TLK2: variants seen among roughly 807,000 people sequenced by gnomAD.
The protein encoded by TLK2 is serine/threonine-protein kinase tousled-like 2.
TLK2 carries 6 observed loss-of-function variants against 117.3 expected under a neutral mutation model. The ratio of observed to expected loss-of-function variants is 0.05; its 90% CI spans 0.03 to 0.10. The LOEUF is 0.10. Ranked by LOEUF, TLK2 falls within the 10% of genes least tolerant of loss-of-function variation. The pLI, the probability that TLK2 is intolerant of heterozygous loss-of-function variation, is 1.00. For missense variants in TLK2, 299 were observed against 901.2 expected, an observed-to-expected ratio of 0.33 and a Z score of 8.56; for synonymous variants, 257 against 316.7, an observed-to-expected ratio of 0.81 and a Z score of 2.00.
intron 15 of TLK2, among the ~76,000 whole-genome samples, chr17:62,584,107 GTTTTT>G (rs572000997): frequency 3.8e-5 from 3 of 78,526 alleles, no homozygotes; most frequent in African/African-American, 5.1e-5. Context: ...TTCTTTTGTG[GTTTTT>G]TTTTTTTTTT....
intron 15 of TLK2, among the ~76,000 whole-genome samples, chr17:62,581,967 G>C (rs988863243): frequency 1.3e-5 from 2 of 152,128 alleles, no homozygotes; most frequent in Non-Finnish European, 2.9e-5. Flanking sequence ...TCTTGGGCAG[G>C]ACAGTCTCTG....
At chr17:62,605,170 AC>A (rs1271270290) in intron 19 of TLK2, among the ~76,000 whole-genome samples, 1 of 151,802 alleles carries the variant, frequency 6.6e-6, no homozygotes, top group Non-Finnish European at 1.5e-5. Context: ...TACTAAAAAT[AC>A]AAAAAATTAG....
At chr17:62,576,902 G>A (rs1338757209) in intron 13 of TLK2, 127 bp downstream of exon 13, 1 of 652,348 alleles carries the variant, frequency 1.5e-6, no homozygotes, top group African/African-American at 1.8e-5. Flanking sequence ...TTCAGTGACT[G>A]CTTTCACTGT....
intron 9 of TLK2, among the ~76,000 whole-genome samples, chr17:62,554,085 T>C: frequency 6.6e-6 from 1 of 152,226 alleles, no homozygotes; most frequent in East Asian, 1.9e-4. Context: ...TTTAATATTG[T>C]TGAATTTTAT....
chr17:62,473,250 C>T (rs748534605), intron 1 of TLK2, among the ~76,000 whole-genome samples: 2 of 152,068 alleles, frequency 1.3e-5, no homozygotes, highest in Admixed American at 6.6e-5. Flanking sequence ...GCTCTGAGAT[C>T]GGGGGTGGTG....
At chr17:62,575,725 C>G (rs915262297) in intron 12 of TLK2, among the ~76,000 whole-genome samples, 2 of 151,824 alleles carry the variant, frequency 1.3e-5, no homozygotes, top group African/African-American at 4.8e-5. Context: ...GAGACAGAGC[C>G]TTGCTCTGTT....
intron 2 of TLK2, among the ~76,000 whole-genome samples, chr17:62,502,414 A>G (rs1276616498): frequency 1.3e-5 from 2 of 152,218 alleles, no homozygotes; most frequent in Non-Finnish European, 2.9e-5. Context: ...AAAGGCATTT[A>G]TGAAAAATAT....
intron 19 of TLK2, among the ~76,000 whole-genome samples, chr17:62,602,563 G>A (rs2082946528): frequency 1.3e-5 from 2 of 152,138 alleles, no homozygotes; most frequent in Admixed American, 6.5e-5. Flanking sequence ...AATGGGATAA[G>A]GGATTTGTCT....
At chr17:62,505,522 G>A (rs939645281) in intron 2 of TLK2, among the ~76,000 whole-genome samples, 9 of 145,186 alleles carry the variant, frequency 6.2e-5, no homozygotes, top group Admixed American at 5.1e-4. Flanking sequence ...CAAACTGTTG[G>A]GATTACAGGC....
At chr17:62,598,588 G>A (rs972124916) in intron 17 of TLK2, among the ~76,000 whole-genome samples, 2 of 151,508 alleles carry the variant, frequency 1.3e-5, no homozygotes, top group East Asian at 3.9e-4. Context: ...TCAGTGGTGC[G>A]ATCTTGGCTC....
At chr17:62,565,205 T>A in intron 11 of TLK2, 68 bp downstream of exon 11, 2 of 1,545,184 alleles carry the variant, frequency 1.3e-6, no homozygotes, top group Non-Finnish European at 1.7e-6. Flanking sequence ...TTTTCTGTAA[T>A]TGTAGTCATT....
chr17:62,581,384 C>G (rs911132127), intron 15 of TLK2, among the ~76,000 whole-genome samples: 2 of 151,718 alleles, frequency 1.3e-5, no homozygotes, highest in Admixed American at 6.6e-5. Context: ...CTGTTCATCT[C>G]CAGAACTATA....
intron 14 of TLK2, among the ~76,000 whole-genome samples, chr17:62,579,798 A>T (rs1335266090): frequency 6.6e-6 from 1 of 152,174 alleles, no homozygotes; most frequent in Admixed American, 6.5e-5. Context: ...CAATCTAAAA[A>T]TCTCTAATCT....
At chr17:62,576,461 T>C (rs572767457) in intron 12 of TLK2, among the ~76,000 whole-genome samples, 1 of 152,362 alleles carries the variant, frequency 6.6e-6, no homozygotes, top group South Asian at 2.1e-4. Flanking sequence ...TATAAAAATA[T>C]GGCTCACTTT....
At chr17:62,602,871 TTAACTC>T (rs1315092000) in intron 19 of TLK2, among the ~76,000 whole-genome samples, 7 of 152,212 alleles carry the variant, frequency 4.6e-5, no homozygotes, top group Non-Finnish European at 7.3e-5. Flanking sequence ...ACTCAGGCCT[TTAACTC>T]TATGGTTGTA....
At chr17:62,501,318 A>G (rs2074176782) in intron 2 of TLK2, among the ~76,000 whole-genome samples, 1 of 152,356 alleles carries the variant, frequency 6.6e-6, no homozygotes, top group Non-Finnish European at 1.5e-5. Context: ...CAGCTAATAC[A>G]GTGCTTTAGA....
At chr17:62,516,539 G>C in intron 2 of TLK2, 1 of 1,609,204 alleles carries the variant, frequency 6.2e-7, no homozygotes, top group South Asian at 1.1e-5. Flanking sequence ...CGGAGATACT[G>C]GATACACTCA....
chr17:62,487,483 C>T (rs1437788649), intron 2 of TLK2, among the ~76,000 whole-genome samples: 1 of 144,858 alleles, frequency 6.9e-6, no homozygotes, highest in Admixed American at 7.0e-5. Context: ...CGCGCCATTG[C>T]GCTCCAGCAT....
At chr17:62,531,394 A>T (rs1235540034) in intron 6 of TLK2, among the ~76,000 whole-genome samples, 1 of 152,302 alleles carries the variant, frequency 6.6e-6, no homozygotes, top group Non-Finnish European at 1.5e-5. Context: ...TGCCTTTTGA[A>T]GAAAAAGAAT....
Sources: gnomAD v4.1 joint callset for allele counts (sites outside exome capture counted in the v4.1 genomes callset) on GRCh38, gnomAD v4.1.1 for gene constraint, MANE v1.5 for transcripts, NCBI Gene and HGNC (gene_info 2026-07-23, HGNC 2026-07-21) for gene names.